EPM2A: variants seen among roughly 807,000 people sequenced by gnomAD.
The protein encoded by EPM2A is EPM2A glucan phosphatase, laforin, also known as laforin.
Under a neutral mutation model 26.5 loss-of-function variants are expected in EPM2A, and 21 were observed. The ratio of observed to expected loss-of-function variants is 0.79; its 90% confidence interval spans 0.56 to 1.14. The LOEUF is 1.14. Among genes scored for constraint, EPM2A ranks in the 50% most tolerant of loss-of-function variants. The pLI, the probability that EPM2A is intolerant of heterozygous loss-of-function variation, is 0.00. For missense variants in EPM2A, 458 were observed against 440.8 expected (o/e 1.04, Z -0.35); for synonymous variants, 217 against 177.6 (o/e 1.22, Z -1.76).
upstream of EPM2A, chr6:145,735,528 C>A (rs1776828072): frequency 1.7e-6 from 2 of 1,168,972 alleles, no homozygotes; most frequent in Admixed American, 9.3e-5. Context: ...AATACCCGGG[C>A]CCGGAGTCCC....
chr6:145,459,421 A>G (rs1343224128), intron 4 of EPM2A, among the ~76,000 whole-genome samples: 1 of 152,220 alleles, frequency 6.6e-6, no homozygotes, highest in East Asian at 1.9e-4. Flanking sequence ...TCAGAAATGT[A>G]GAGAGAGGTT....
chr6:145,581,226 G>A (rs1781108388), intron 2 of EPM2A, among the ~76,000 whole-genome samples: 1 of 152,092 alleles, frequency 6.6e-6, no homozygotes, highest in South Asian at 2.1e-4. Flanking sequence ...TGTCAGTGTG[G>A]TTTTAATTTG....
At chr6:145,399,174 C>T (rs1324081999) in intron 4 of EPM2A, among the ~76,000 whole-genome samples, 4 of 152,024 alleles carry the variant, frequency 2.6e-5, no homozygotes, top group East Asian at 1.9e-4. Context: ...AAAAAGTTTG[C>T]GAGAGAGGTG....
At chr6:145,649,808 A>G (rs1777745640) in intron 2 of EPM2A, among the ~76,000 whole-genome samples, 1 of 152,190 alleles carries the variant, frequency 6.6e-6, no homozygotes, top group Admixed American at 6.5e-5. Flanking sequence ...TGCAACAGAA[A>G]TCATTTAGCC....
intron 4 of EPM2A, among the ~76,000 whole-genome samples, chr6:145,417,531 C>A (rs1399298314): frequency 6.6e-6 from 1 of 152,048 alleles, no homozygotes; most frequent in East Asian, 1.9e-4. Flanking sequence ...GGAAAAATAA[C>A]CCTCCCAGAA....
chr6:145,689,644 A>C (rs1284990808), intron 1 of EPM2A, among the ~76,000 whole-genome samples: 1 of 152,228 alleles, frequency 6.6e-6, no homozygotes, highest in African/African-American at 2.4e-5. Flanking sequence ...AGCCAGACAG[A>C]AATCTGTTTG....
chr6:145,530,035 A>C (rs1343720196), intron 2 of EPM2A, among the ~76,000 whole-genome samples: 1 of 152,198 alleles, frequency 6.6e-6, no homozygotes, highest in Admixed American at 6.5e-5. Flanking sequence ...TTTGAGGTTC[A>C]AAAAATAAAC....
intron 2 of EPM2A, among the ~76,000 whole-genome samples, chr6:145,647,715 G>A (rs1424291893): frequency 1.3e-5 from 2 of 152,078 alleles, no homozygotes; most frequent in African/African-American, 2.4e-5. Flanking sequence ...GGAAGGGGAA[G>A]GGGAAGGGGA....
At chr6:145,446,268 G>C (rs1236422404) in intron 4 of EPM2A, among the ~76,000 whole-genome samples, 3 of 152,120 alleles carry the variant, frequency 2.0e-5, no homozygotes, top group African/African-American at 7.2e-5. Flanking sequence ...ATGCCACCAA[G>C]TTCTGGTATA....
chr6:145,436,586 A>ATT (rs1330503598), intron 4 of EPM2A, among the ~76,000 whole-genome samples: 1 of 152,000 alleles, frequency 6.6e-6, no homozygotes, highest in Non-Finnish European at 1.5e-5. Context: ...TTTTTACCTA[A>ATT]TTATTAATGA....
At chr6:145,678,250 C>T (rs904838744) in intron 2 of EPM2A, among the ~76,000 whole-genome samples, 15 of 152,156 alleles carry the variant, frequency 9.9e-5, no homozygotes, top group South Asian at 6.2e-4. Context: ...AACTGGATCC[C>T]GTCCTTACAC....
At chr6:145,469,568 T>G (rs1049608623) in intron 4 of EPM2A, among the ~76,000 whole-genome samples, 1 of 152,054 alleles carries the variant, frequency 6.6e-6, no homozygotes, top group Non-Finnish European at 1.5e-5. Flanking sequence ...CTCACATACT[T>G]TTAGTGGGAA....
At chr6:145,386,248 A>G (rs1426233334) in intron 4 of EPM2A, among the ~76,000 whole-genome samples, 2 of 152,268 alleles carry the variant, frequency 1.3e-5, no homozygotes, top group South Asian at 4.1e-4. Context: ...CACTGGAAAG[A>G]TATGTTAAAC....
chr6:145,680,905 C>T (rs1331096792), intron 2 of EPM2A, among the ~76,000 whole-genome samples: 3 of 151,146 alleles, frequency 2.0e-5, no homozygotes, highest in African/African-American at 7.3e-5. Context: ...GGGTATATAC[C>T]CAGTAATGGG....
intron 2 of EPM2A, among the ~76,000 whole-genome samples, chr6:145,617,988 A>T (rs117158729): frequency 0.017 from 2,580 of 152,306 alleles, 25 homozygotes; most frequent in Admixed American, 0.024. Context: ...TACACATTAG[A>T]TCTGAACACA....
intron 4 of EPM2A, among the ~76,000 whole-genome samples, chr6:145,456,655 GA>G (rs1054535114): frequency 4.5e-4 from 69 of 152,148 alleles, no homozygotes; most frequent in African/African-American, 1.6e-3. Flanking sequence ...CTAAACAGAG[GA>G]AAAAATTAAG....
chr6:145,690,298 C>T (rs1253432938), intron 1 of EPM2A, among the ~76,000 whole-genome samples: 1 of 151,918 alleles, frequency 6.6e-6, no homozygotes, highest in Non-Finnish European at 1.5e-5. Context: ...ATCATGAGGT[C>T]AGGAGATCGA....
At chr6:145,541,010 A>G (rs1780499300) in intron 2 of EPM2A, among the ~76,000 whole-genome samples, 2 of 152,158 alleles carry the variant, frequency 1.3e-5, no homozygotes, top group Non-Finnish European at 2.9e-5. Flanking sequence ...GTGAGGATGC[A>G]ATACTCTTTA....
intron 4 of EPM2A, among the ~76,000 whole-genome samples, chr6:145,450,350 C>CAA (rs368618860): frequency 4.4e-3 from 271 of 61,374 alleles, no homozygotes; most frequent in African/African-American, 5.4e-3. Flanking sequence ...GACTCCGTCT[C>CAA]AAAAAAAAAA....
Sources: allele counts gnomAD v4.1 joint callset (sites outside exome capture counted in the v4.1 genomes callset), GRCh38; gene constraint gnomAD v4.1.1; transcripts MANE v1.5; gene names NCBI Gene and HGNC (gene_info 2026-07-23, HGNC 2026-07-21).